Variants in BCL6 observed in about 807,000 individuals in gnomAD.
BCL6 encodes B-cell lymphoma 6 protein.
In BCL6, 7 loss-of-function variants were observed where a neutral mutation model predicts 59.5. That is an observed-to-expected ratio of 0.12 (90% confidence interval 0.07 to 0.22). BCL6 has a LOEUF of 0.22. Ranked by LOEUF, BCL6 falls within the 10% of genes least tolerant of loss-of-function variation. BCL6 has a pLI of 1.00. For synonymous variants in BCL6, 339 were observed against 349.7 expected (o/e 0.97, Z 0.34); for missense variants, 685 against 939.4 (o/e 0.73, Z 3.54).
chr3:187,745,142 A>C (rs13070121), intron 1 of BCL6, among the ~76,000 whole-genome samples: 2 of 152,194 alleles, frequency 1.3e-5, no homozygotes, highest in African/African-American at 4.8e-5. Context: ...TAAATACATA[A>C]CAATCTATAT....
At chr3:187,744,647 G>A (rs1312771250) in intron 1 of BCL6, among the ~76,000 whole-genome samples, 2 of 152,178 alleles carry the variant, frequency 1.3e-5, no homozygotes, top group East Asian at 1.9e-4. Flanking sequence ...CGGCTCGAAG[G>A]CAGGGAATCT....
intron 9 of BCL6, chr3:187,724,502 C>T (rs765183589): frequency 1.9e-5 from 3 of 155,198 alleles, no homozygotes; most frequent in East Asian, 1.9e-4. Context: ...ATTCTTATAA[C>T]ATTCTTTTTG....
In BCL6 at chr3:187,724,837, C is replaced by G. The variant is rs1718591528; in HGVS notation, c.1977+104G>C. 4.0e-6 allele frequency: 6 copies of G among 1,496,378 alleles called. No individual in the cohort carries two copies. The South Asian group carries it at 6.4e-5, about 16-fold the overall frequency. The allele number at this position is 1,496,378 out of a possible 1,614,324, so 92.7% of individuals were successfully genotyped here. On this transcript the variant is annotated intron_variant, in intron 9 of 9. Coordinates refer to ENST00000406870, the MANE Select transcript of BCL6 (RefSeq NM_001706.5). ...ACTGTGTGCTTGAGATGGGAGCAAA[C>G]AGTTCCACTGCCTCCCTGCTCCACC...
At chr3:187,728,644 T>G (rs1718854948) in intron 5 of BCL6, 100 bp from the exon 6 acceptor site, 4 of 1,235,894 alleles carry the variant, frequency 3.2e-6, no homozygotes, top group Non-Finnish European at 4.4e-6. Context: ...AGAGCTGGGC[T>G]GCCCACTCAA....
intron 1 of BCL6, among the ~76,000 whole-genome samples, chr3:187,744,470 A>G (rs1560160947): frequency 6.6e-6 from 1 of 152,272 alleles, no homozygotes; most frequent in Middle Eastern, 3.4e-3. Context: ...AAGCTCCCCA[A>G]AACACAGGGG....
At chr3:187,723,414 T>C (rs1369275449) in intron 9 of BCL6, among the ~76,000 whole-genome samples, 2 of 152,134 alleles carry the variant, frequency 1.3e-5, no homozygotes, top group East Asian at 1.9e-4. Flanking sequence ...ACAAAGAAAA[T>C]GTAAGTAAAG....
chr3:187,729,694 T>G lies in BCL6; in HGVS notation c.711A>C (p.Pro237=), dbSNP rs1286243940. Residue 237 remains proline (P), a synonymous_variant, in exon 5 of 10, where the codon CCA becomes CCC. Transcript: ENST00000406870. This position sits in a 1 kb window ranked among gnomAD's most constrained non-coding sequence, Gnocchi z 5.6. ...TCGGCCGGCTGTACTCACCAGGGAC[T>G]GGCCTGGCACTATCACATGGGAGTG... ...ERALPCDSAR[P]VPGEYSRPTL... 1 of 1,614,034 alleles carries G rather than the reference T, an allele frequency of 6.2e-7. No homozygotes were observed. Among genetic ancestry groups the G allele is most frequent in the Non-Finnish European group, 8.5e-7 (1 of 1,180,020 alleles).
chr3:187,744,666 G>A (rs1378988714), intron 1 of BCL6, among the ~76,000 whole-genome samples: 1 of 152,072 alleles, frequency 6.6e-6, no homozygotes, highest in African/African-American at 2.4e-5. Context: ...CTAAAAGACC[G>A]AGGCCGATGG....
chr3:187,729,132 G>A lies in BCL6; in HGVS notation c.1273C>T (p.Leu425Phe). Residue 425 changes from leucine to phenylalanine, a missense_variant, in exon 5 of 10, where the codon CTC (leucine) becomes TTC (phenylalanine). Physicochemically the swap from Leu to Phe is conservative, Grantham distance 22 (BLOSUM62 0). Around this residue, in one of 7 missense-constraint regions of BCL6, gnomAD observed 207 missense variants for 213.7 expected, o/e 0.97. Transcript: ENST00000406870. The surrounding 1 kb of genome is among the most constrained non-coding windows in gnomAD (Gnocchi z 5.6). ...QPPMEPENLDLQSPTKLSASG... is the reference protein window; with the variant it reads ...QPPMEPENLDFQSPTKLSASG... ...GCACTCAGCTTGGTTGGGGACTGGA[G>A]GTCAAGGTTCTCAGGCTCCATGGGT... The A allele has an allele frequency of 6.3e-7, 1 of 1,592,774 alleles. No homozygotes were observed. The highest frequency in any genetic ancestry group is 1.1e-5 in the South Asian group (1 of 88,084).
intron 6 of BCL6, among the ~76,000 whole-genome samples, chr3:187,727,967 G>C (rs1718804172): frequency 6.6e-6 from 1 of 152,166 alleles, no homozygotes; most frequent in South Asian, 2.1e-4. Flanking sequence ...AATGAATAAG[G>C]TCAGATGCTT....
rs1050463175 is a variant in BCL6 at position 187,721,908 on chromosome 3, C to T, written c.*550G>A. The T allele has an allele frequency of 4.4e-5, 9 of 203,372 alleles. No individual in the cohort carries two copies. Among genetic ancestry groups the T allele is most frequent in the Admixed American group, 1.2e-4 (2 of 16,554 alleles). The allele number at this position is 203,372 out of a possible 1,614,324, so 12.6% of individuals were successfully genotyped here. A position where few individuals can be genotyped will look rare whatever the true frequency, so the allele number is the denominator to read the frequency against. ...TGCAGATACAAAATCGAGCCTTTAA[C>T]GCAGTTTTATATTTTTAATATATCT... On this transcript the variant is annotated 3_prime_UTR_variant, in exon 10 of 10. Coordinates refer to ENST00000406870, the MANE Select transcript of BCL6 (RefSeq NM_001706.5). This position sits in a 1 kb window ranked among gnomAD's most constrained non-coding sequence, Gnocchi z 4.2.
At chr3:187,736,386 T>C (rs1719281916) in intron 1 of BCL6, 1 of 152,224 alleles carries the variant, frequency 6.6e-6, no homozygotes. Flanking sequence ...TGAAGACACA[T>C]GGGAGTGGGA....
At chr3:187,726,395 G>C (rs1300238972) in intron 7 of BCL6, among the ~76,000 whole-genome samples, 1 of 152,196 alleles carries the variant, frequency 6.6e-6, no homozygotes, top group Non-Finnish European at 1.5e-5. Context: ...CAAATCAACA[G>C]GCTTTTTTTT....
At chr3:187,741,397 A>G (rs1007197461) in intron 1 of BCL6, among the ~76,000 whole-genome samples, 9 of 152,094 alleles carry the variant, frequency 5.9e-5, no homozygotes, top group Admixed American at 1.3e-4. Context: ...GTCATCCAGC[A>G]AAGAAAGTCG....
intron 1 of BCL6, among the ~76,000 whole-genome samples, chr3:187,744,303 G>A (rs557768755): frequency 2.6e-5 from 4 of 152,148 alleles, no homozygotes; most frequent in African/African-American, 7.2e-5. Context: ...GGCATCGCAG[G>A]TGCAGTGCGC....
intron 1 of BCL6, among the ~76,000 whole-genome samples, chr3:187,745,192 A>C (rs1711880996): frequency 1.3e-5 from 2 of 152,312 alleles, no homozygotes; most frequent in East Asian, 1.9e-4. Context: ...TTCGGCATTT[A>C]TTTTAACACC....
intron 1 of BCL6, chr3:187,737,752 C>CTTT (rs60679881): frequency 0.43 from 35,958 of 83,254 alleles, 9,164 homozygotes; most frequent in Middle Eastern, 0.54. Context: ...GTGTGTATGC[C>CTTT]TTTTTTTTTT....
At chr3:187,741,758 A>G (rs538664656) in intron 1 of BCL6, among the ~76,000 whole-genome samples, 1 of 151,896 alleles carries the variant, frequency 6.6e-6, no homozygotes, top group Non-Finnish European at 1.5e-5. Flanking sequence ...CCATCCACAA[A>G]CCTCCTCAAC....
chr3:187,740,704 T>C (rs1711554546), intron 1 of BCL6, among the ~76,000 whole-genome samples: 1 of 152,192 alleles, frequency 6.6e-6, no homozygotes. Flanking sequence ...AAAACAGAGT[T>C]GTACGTCCCA....
Sources: allele counts gnomAD v4.1 joint callset (sites outside exome capture counted in the v4.1 genomes callset), GRCh38; gene constraint gnomAD v4.1.1; regional missense constraint gnomAD v4.1.1; non-coding constraint Gnocchi (gnomAD v3.1); transcripts MANE v1.5; gene names NCBI Gene and HGNC (gene_info 2026-07-23, HGNC 2026-07-21).